Variants in ZNF177 observed in about 807,000 individuals in gnomAD.
ZNF177 encodes zinc finger protein 177.
In ZNF177, 17 loss-of-function variants were observed where a neutral mutation model predicts 19.4. The ratio of observed to expected loss-of-function variants is 0.87; its 90% CI spans 0.60 to 1.31. The LOEUF is 1.31. Ranked by LOEUF, ZNF177 falls within the 40% of genes most tolerant of loss-of-function variation. The pLI, the probability that ZNF177 is intolerant of heterozygous loss-of-function variation, is 0.00. For missense variants in ZNF177, 633 were observed against 561.8 expected (o/e 1.13, Z -1.28); for synonymous variants, 220 against 188.7 (o/e 1.17, Z -1.36).
In ZNF177 at chr19:9,366,358, C is replaced by G. The variant is rs144079704; in HGVS notation, c.-305+1410C>G. On this transcript the variant is annotated intron_variant, in intron 2 of 8. Coordinates refer to the ZNF177 transcript ENST00000343499. ...GCCGTGGTGCCCTCGACCTCCCTAGCTCGGCCTTCCACCTTAGCCTCCCGA... is the reference window on the plus strand; with the variant it reads ...GCCGTGGTGCCCTCGACCTCCCTAGGTCGGCCTTCCACCTTAGCCTCCCGA... 5.7e-3 allele frequency among the ~76,000 whole-genome samples: 872 copies of G among 152,220 alleles called. 4 individuals carry two copies. The highest frequency in any genetic ancestry group is 0.014 in the Middle Eastern group (4 of 294).
chr19:9,368,590 TAA>T (rs1403870695), intron 2 of ZNF177, among the ~76,000 whole-genome samples: 2 of 151,994 alleles, frequency 1.3e-5, no homozygotes, highest in Non-Finnish European at 1.5e-5. Context: ...TCCAGCTGCT[TAA>T]GTTAATTTTT....
chr19:9,378,258 G>A lies in ZNF177; in HGVS notation c.-53-1G>A. ...CTAATGGCTTCTGTGTTCTCCTCTA[G>A]CTCTGCCTGCTTAGGACTCTGCCCA... On this transcript the variant is annotated splice_acceptor_variant, in intron 1 of 5. Transcript: ENST00000589262. LOFTEE classifies it low-confidence loss of function (5UTR_SPLICE). 1 of 1,610,604 alleles carries A rather than the reference G, an allele frequency of 6.2e-7. No homozygotes were observed. The highest frequency in any genetic ancestry group is 1.1e-5 in the South Asian group (1 of 90,686).
rs1321550059 is a variant in ZNF177, at chr19:9,380,625, A to G, written c.337-43A>G. The G allele has an allele frequency of 4.6e-6, 7 of 1,535,934 alleles. No individual in the cohort carries two copies. The East Asian group carries it at 1.2e-4, about 27-fold the overall frequency. On this transcript the variant is annotated intron_variant, in intron 5 of 5. Coordinates refer to ENST00000589262, the Ensembl canonical transcript of ZNF177. Reference sequence around the variant, plus strand: ...AAGAGAATTCCTGTGAATAAGGTGAAAGTGAAAAAGCCTCTAGTCACCACT... The same window carrying G: ...AAGAGAATTCCTGTGAATAAGGTGAGAGTGAAAAAGCCTCTAGTCACCACT...
chr19:9,363,326 G>A (rs1041473453), intron 1 of ZNF177: 1 of 152,288 alleles, frequency 6.6e-6, no homozygotes, highest in African/African-American at 2.4e-5. Context: ...TGCGTCGGCG[G>A]GGCCTTTTCT....
rs186634610 is a variant in ZNF177 at position 9,378,028 on chromosome 19, A to T, written c.-53-231A>T. Among the ~76,000 whole-genome samples, 421 of 152,300 alleles carry T rather than the reference A, an allele frequency of 2.8e-3. 3 individuals carry two copies. Among genetic ancestry groups the T allele is most frequent in the African/African-American group, 9.6e-3 (399 of 41,570 alleles). ...AGAGGCTCATTCCTCCTGAGCTGTT[A>T]GCAGTCATAAGCCTTTTTAGTGGTT... On this transcript the variant is annotated intron_variant, in intron 1 of 5. Coordinates refer to ENST00000589262, the Ensembl canonical transcript of ZNF177.
exon 6 of ZNF177, chr19:9,380,960 A>T: frequency 6.5e-7 from 1 of 1,539,738 alleles, no homozygotes; most frequent in Non-Finnish European, 8.7e-7. Flanking sequence ...GAGCAATGTG[A>T]TATGTCCTTC....
chr19:9,369,473 T>C (rs976701656), intron 2 of ZNF177, among the ~76,000 whole-genome samples: 5 of 151,936 alleles, frequency 3.3e-5, no homozygotes, highest in African/African-American at 4.8e-5. Flanking sequence ...TGAGACTCAA[T>C]TTTTATGTGT....
chr19:9,376,756 C>G (rs2068114591), intron 1 of ZNF177, among the ~76,000 whole-genome samples: 1 of 152,044 alleles, frequency 6.6e-6, no homozygotes, highest in South Asian at 2.1e-4. Context: ...ATTATTATAA[C>G]TTTTTAATAT....
At chr19:9,367,317 A>AAAAAATAAAAAT in intron 2 of ZNF177, among the ~76,000 whole-genome samples, 1 of 152,310 alleles carries the variant, frequency 6.6e-6, no homozygotes, top group South Asian at 2.1e-4. Flanking sequence ...TGTCTCAAAA[A>AAAAAATAAAAAT]AAAAATAAAA....
At chr19:9,367,494 C>T (rs2067996292) in intron 2 of ZNF177, among the ~76,000 whole-genome samples, 1 of 152,164 alleles carries the variant, frequency 6.6e-6, no homozygotes, top group African/African-American at 2.4e-5. Flanking sequence ...TTTCTAATAG[C>T]AAGCATCTCT....
exon 6 of ZNF177, chr19:9,382,001 A>C: frequency 1.6e-6 from 1 of 635,526 alleles, no homozygotes; most frequent in Non-Finnish European, 2.5e-6. Flanking sequence ...TGAATATTTT[A>C]GTTATCTTTT....
upstream of ZNF177, among the ~76,000 whole-genome samples, chr19:9,372,106 G>T (rs1334538584): frequency 6.6e-6 from 1 of 152,066 alleles, no homozygotes; most frequent in Non-Finnish European, 1.5e-5. Context: ...TTAGAACTTT[G>T]TATATAAGAT....
intron 1 of ZNF177, chr19:9,363,315 G>C (rs1008516318): frequency 1.3e-5 from 2 of 152,296 alleles, no homozygotes; most frequent in East Asian, 3.9e-4. Context: ...TGTGGTCAGA[G>C]TGCGTCGGCG....
chr19:9,375,498 T>G (rs529688874), upstream of ZNF177, among the ~76,000 whole-genome samples: 10 of 152,320 alleles, frequency 6.6e-5, no homozygotes, highest in African/African-American at 2.4e-4. Context: ...CCTCACTGAT[T>G]TAATCTCCTT....
At chr19:9,380,762 G>A in exon 6 of ZNF177, 2 of 1,536,082 alleles carry the variant, frequency 1.3e-6, no homozygotes, top group Non-Finnish European at 1.7e-6. Context: ...TATTGCAAGG[G>A]AGAGAAATGC....
intron 1 of ZNF177, among the ~76,000 whole-genome samples, chr19:9,363,821 A>ACGACCCACTCCTGCCCTACAAATTTAC (rs1183916504): frequency 3.9e-5 from 6 of 152,188 alleles, no homozygotes; most frequent in Admixed American, 6.5e-5. Context: ...TAATCCTATT[A>ACGACCCACTCCTGCCCTACAAATTTAC]CGACCCACTC....
At chr19:9,371,993 A>G (rs758708139), upstream of ZNF177, among the ~76,000 whole-genome samples, 2 of 152,188 alleles carry the variant, frequency 1.3e-5, no homozygotes, top group Non-Finnish European at 2.9e-5. Context: ...CCAAAGTGTT[A>G]TGCTTTTTAC....
exon 6 of ZNF177, chr19:9,380,792 G>A (rs767239588): frequency 2.0e-6 from 3 of 1,536,088 alleles, no homozygotes; most frequent in East Asian, 2.4e-5. Flanking sequence ...ATAAAGTATA[G>A]CAAAGTCTTC....
chr19:9,370,418 T>C (rs574038092), intron 2 of ZNF177, among the ~76,000 whole-genome samples: 1 of 148,946 alleles, frequency 6.7e-6, no homozygotes, highest in Admixed American at 6.7e-5. Flanking sequence ...GTTTTTTTTT[T>C]GTTTTTTTTT....
Sources: gnomAD v4.1 joint callset for allele counts (sites outside exome capture counted in the v4.1 genomes callset) on GRCh38, gnomAD v4.1.1 for gene constraint, MANE v1.5 for transcripts, NCBI Gene and HGNC (gene_info 2026-07-23, HGNC 2026-07-21) for gene names.